Variants in BICC1 observed in about 807,000 individuals in gnomAD.
BICC1 encodes the protein protein bicaudal C homolog 1.
BICC1 carries 43 observed loss-of-function variants against 111.0 expected under a neutral mutation model. The observed-to-expected ratio is 0.39, with a 90% CI of 0.30 to 0.50. BICC1 has a LOEUF of 0.50. Ranked by LOEUF, BICC1 falls within the 20% of genes least tolerant of loss-of-function variation. BICC1 has a pLI of 0.88. For missense variants in BICC1, 1,091 were observed against 1,203.2 expected (o/e 0.91, Z 1.38); for synonymous variants, 467 against 434.4 (o/e 1.07, Z -0.93).
chr10:58,707,060 A>C (rs572041447), intron 3 of BICC1, among the ~76,000 whole-genome samples: 2 of 152,320 alleles, frequency 1.3e-5, no homozygotes, highest in South Asian at 4.1e-4. Flanking sequence ...AGAGGCATTG[A>C]CTGGGTTACT....
chr10:58,587,139 C>T (rs1844458128), intron 1 of BICC1, among the ~76,000 whole-genome samples: 1 of 152,146 alleles, frequency 6.6e-6, no homozygotes, highest in East Asian at 1.9e-4. Flanking sequence ...ATATTTAGTG[C>T]CTCATGAATT....
At chr10:58,599,801 C>CT (rs1390193505) in intron 1 of BICC1, among the ~76,000 whole-genome samples, 1 of 151,920 alleles carries the variant, frequency 6.6e-6, no homozygotes. Context: ...AGTTTTTGTC[C>CT]TTTTTAAGAG....
intron 3 of BICC1, among the ~76,000 whole-genome samples, chr10:58,708,912 T>TG (rs1840485642): frequency 6.6e-6 from 1 of 152,192 alleles, no homozygotes; most frequent in Non-Finnish European, 1.5e-5. Flanking sequence ...GAAAATGATT[T>TG]GGGGGCTACT....
At chr10:58,585,921 G>A (rs1430488630) in intron 1 of BICC1, among the ~76,000 whole-genome samples, 5 of 152,264 alleles carry the variant, frequency 3.3e-5, no homozygotes, top group African/African-American at 1.2e-4. Flanking sequence ...CTGAAAGGTA[G>A]GGGCTGGTAT....
At chr10:58,800,754 G>T in intron 13 of BICC1, 136 bp from the exon 14 acceptor site, 1 of 815,938 alleles carries the variant, frequency 1.2e-6, no homozygotes, top group Non-Finnish European at 1.8e-6. Flanking sequence ...GTGTTTCTTT[G>T]CAGATGGAAG....
chr10:58,613,692 A>G (rs898690856), intron 1 of BICC1, among the ~76,000 whole-genome samples: 1 of 152,210 alleles, frequency 6.6e-6, no homozygotes, highest in African/African-American at 2.4e-5. Flanking sequence ...ATTGTCTAGA[A>G]TGAGAATTGC....
intron 1 of BICC1, among the ~76,000 whole-genome samples, chr10:58,574,973 G>T (rs1326588643): frequency 6.6e-6 from 1 of 151,566 alleles, no homozygotes; most frequent in East Asian, 1.9e-4. Context: ...AGCAAAAAAT[G>T]ACTCAGTATA....
intron 2 of BICC1, among the ~76,000 whole-genome samples, chr10:58,639,563 A>G (rs1838056582): frequency 1.2e-5 from 1 of 85,952 alleles, no homozygotes; most frequent in East Asian, 3.7e-4. Flanking sequence ...ACACCCAGCT[A>G]ATTGTTTTTT....
In BICC1 at chr10:58,544,198, A is replaced by G. The variant is rs144152882; in HGVS notation, c.190+30865A>G. Among the ~76,000 whole-genome samples, 164 of 152,276 alleles carry G rather than the reference A, an allele frequency of 1.1e-3. 1 individual carries two copies. Among genetic ancestry groups the G allele is most frequent in the African/African-American group, 3.6e-3 (149 of 41,560 alleles). On this transcript the variant is annotated intron_variant, in intron 1 of 20. Coordinates refer to ENST00000373886, the MANE Select transcript of BICC1 (RefSeq NM_001080512.3). ...TACATTTGGTGTTAAAATGCACCCAACAGGAAAAAGGATTCAGTTATTTTC... is the reference window on the plus strand; with the variant it reads ...TACATTTGGTGTTAAAATGCACCCAGCAGGAAAAAGGATTCAGTTATTTTC...
chr10:58,723,689 A>G (rs1326366514), intron 3 of BICC1, among the ~76,000 whole-genome samples: 3 of 152,194 alleles, frequency 2.0e-5, no homozygotes, highest in African/African-American at 7.2e-5. Context: ...ATAATAAGCT[A>G]GAAAACTTAT....
In BICC1 at chr10:58,789,908, T is replaced by C. The variant is rs763077466; in HGVS notation, c.1022T>C (p.Val341Ala). The C allele has an allele frequency of 1.2e-6, 2 of 1,614,172 alleles. No homozygotes were observed. The highest frequency in any genetic ancestry group is 1.7e-6 in the Non-Finnish European group (2 of 1,180,026). ...TACCTCCAGGGCACCATTGAGTCTG[T>C]CTGTCTTGCAAGGCAATATCTCATG... Reference protein sequence around the residue: ...TVYLQGTIESVCLARQYLMGC... With the variant: ...TVYLQGTIESACLARQYLMGC... The change falls in exon 8 of 21, where the codon GTC becomes GCC. Residue 341 changes from valine (V) to alanine (A), a missense_variant. Coordinates refer to ENST00000373886, the MANE Select transcript of BICC1 (RefSeq NM_001080512.3).
intron 1 of BICC1, among the ~76,000 whole-genome samples, chr10:58,546,816 A>G (rs929435509): frequency 2.0e-5 from 3 of 152,224 alleles, no homozygotes; most frequent in Non-Finnish European, 4.4e-5. Context: ...TTTGCAATCC[A>G]GAGGATATTT....
chr10:58,702,423 A>G (rs766136828), intron 3 of BICC1, among the ~76,000 whole-genome samples: 12 of 152,204 alleles, frequency 7.9e-5, no homozygotes, highest in Non-Finnish European at 1.2e-4. Context: ...TCCATGAGTC[A>G]TGGTAACTCT....
chr10:58,808,628 C>T (rs1843790671), intron 17 of BICC1, among the ~76,000 whole-genome samples: 1 of 152,014 alleles, frequency 6.6e-6, no homozygotes, highest in Non-Finnish European at 1.5e-5. Context: ...TGAGCTGTGT[C>T]TCATTCAGGT....
chr10:58,726,048 T>C (rs1231339259), intron 3 of BICC1, among the ~76,000 whole-genome samples: 1 of 152,250 alleles, frequency 6.6e-6, no homozygotes, highest in Non-Finnish European at 1.5e-5. Flanking sequence ...CTGTATTTCT[T>C]ATATCCACAA....
At position 58,550,965 on chromosome 10, in the gene BICC1, G is replaced by A. The variant is rs549890656; in HGVS notation, c.190+37632G>A. On this transcript the variant is annotated intron_variant, in intron 1 of 20. Transcript: ENST00000373886. ...TTTTATCTCCTTCATCTTGTCATCAGCTTTTAACATTCCACATCCTGTTTG... is the reference window on the plus strand; with the variant it reads ...TTTTATCTCCTTCATCTTGTCATCAACTTTTAACATTCCACATCCTGTTTG... Among the ~76,000 whole-genome samples, 10 of 152,182 alleles carry A rather than the reference G, an allele frequency of 6.6e-5. No individual in the cohort carries two copies. In the East Asian group the frequency reaches 1.2e-3, roughly 18 times the overall value.
At chr10:58,787,284 T>A (rs2132798463) in intron 5 of BICC1, among the ~76,000 whole-genome samples, 1 of 152,298 alleles carries the variant, frequency 6.6e-6, no homozygotes, top group African/African-American at 2.4e-5. Flanking sequence ...GGCCCTAAAC[T>A]CTTGATCTTG....
intron 1 of BICC1, among the ~76,000 whole-genome samples, chr10:58,579,971 A>AT (rs67020311): frequency 0.085 from 12,617 of 149,190 alleles, 625 homozygotes; most frequent in Middle Eastern, 0.12. Flanking sequence ...TTTGCCCTAA[A>AT]TTTTTTTTTT....
chr10:58,541,815 A>G (rs1842990852), intron 1 of BICC1, among the ~76,000 whole-genome samples: 1 of 147,374 alleles, frequency 6.8e-6, no homozygotes, highest in Non-Finnish European at 1.5e-5. Context: ...CATATTACAA[A>G]TCCATAGCAA....
Sources: gnomAD v4.1 joint callset for allele counts (sites outside exome capture counted in the v4.1 genomes callset) on GRCh38, gnomAD v4.1.1 for gene constraint, MANE v1.5 for transcripts, NCBI Gene and HGNC (gene_info 2026-07-23, HGNC 2026-07-21) for gene names.